RXRG: variants seen among roughly 807,000 people sequenced by gnomAD.
RXRG encodes the protein retinoid X receptor gamma, also known as retinoic acid receptor RXR-gamma.
In RXRG, 19 loss-of-function variants were observed where a neutral mutation model predicts 49.2. The observed-to-expected ratio is 0.39, with a 90% CI of 0.27 to 0.57. The LOEUF is 0.57. RXRG is among the 20% of genes least tolerant of loss of function. The pLI is 0.64. For synonymous variants in RXRG, 224 were observed against 216.6 expected (o/e 1.03, Z -0.30); for missense variants, 452 against 592.5 (o/e 0.76, Z 2.46).
intron 4 of RXRG, among the ~76,000 whole-genome samples, chr1:165,416,769 T>C (rs1371276209): frequency 1.3e-5 from 2 of 152,082 alleles, no homozygotes; most frequent in African/African-American, 4.8e-5. Context: ...AGAGGATGGG[T>C]AAATGTGGAG....
intron 1 of RXRG, among the ~76,000 whole-genome samples, chr1:165,439,079 A>G (rs1017257179): frequency 6.6e-6 from 1 of 152,170 alleles, no homozygotes; most frequent in Non-Finnish European, 1.5e-5. Context: ...GTTACTTAGA[A>G]GTAATAAAAT....
intron 2 of RXRG, among the ~76,000 whole-genome samples, chr1:165,425,827 T>C (rs1048762329): frequency 1.3e-5 from 2 of 152,254 alleles, no homozygotes; most frequent in Admixed American, 1.3e-4. Flanking sequence ...TGAAGTGCAA[T>C]GGATCTGCAT....
chr1:165,417,944 AAT>A (rs1342738419), intron 3 of RXRG, among the ~76,000 whole-genome samples: 1 of 151,590 alleles, frequency 6.6e-6, no homozygotes, highest in Non-Finnish European at 1.5e-5. Flanking sequence ...TCTCTGTTAA[AAT>A]ATATATATAC....
At chr1:165,426,137 G>T (rs1266087250) in intron 2 of RXRG, among the ~76,000 whole-genome samples, 1 of 152,214 alleles carries the variant, frequency 6.6e-6, no homozygotes, top group Non-Finnish European at 1.5e-5. Flanking sequence ...CAAGAGTGGG[G>T]CAGTTAGGAT....
At chr1:165,411,895 T>C (rs536173331) in intron 4 of RXRG, among the ~76,000 whole-genome samples, 2 of 152,338 alleles carry the variant, frequency 1.3e-5, no homozygotes, top group Non-Finnish European at 2.9e-5. Context: ...AAGTCTCTGT[T>C]GGGTTAGTTT....
intron 3 of RXRG, among the ~76,000 whole-genome samples, chr1:165,418,800 T>C (rs1194071628): frequency 2.6e-5 from 4 of 152,176 alleles, no homozygotes; most frequent in Admixed American, 2.6e-4. Flanking sequence ...AGAATAAGCA[T>C]AGCAGAGAAA....
chr1:165,415,222 G>GA (rs1372911750), intron 4 of RXRG, among the ~76,000 whole-genome samples: 1 of 152,178 alleles, frequency 6.6e-6, no homozygotes, highest in Non-Finnish European at 1.5e-5. Context: ...AATCATTCTA[G>GA]ACAGACAGCA....
rs1658568958 is a variant in RXRG, at chr1:165,428,689, G to A, written c.297+30C>T. On this transcript the variant is annotated intron_variant, in intron 2 of 9. Transcript: ENST00000359842. ...CTGGGTGAAACCATGTAAGATGGCTGGAAAGGCCTTGGAGAGGAAGAACAC... is the reference window on the plus strand; with the variant it reads ...CTGGGTGAAACCATGTAAGATGGCTAGAAAGGCCTTGGAGAGGAAGAACAC... The A allele has an allele frequency of 1.9e-6, 3 of 1,555,288 alleles. 1 individual carries two copies. In the South Asian group the frequency reaches 3.7e-5, roughly 19 times the overall value.
intron 6 of RXRG, among the ~76,000 whole-genome samples, 166 bp from the exon 7 acceptor site, chr1:165,409,856 AG>A (rs1318931453): frequency 4.6e-5 from 7 of 152,162 alleles, no homozygotes; most frequent in Admixed American, 4.6e-4. Context: ...GAAGAAACAA[AG>A]GATAAGACTG....
At position 165,411,072 on chromosome 1, in the gene RXRG, AGCTCGCTCTCG is replaced by A; in HGVS notation, c.649_659del (p.Arg217Ter). 3.1e-6 allele frequency: 5 copies of A among 1,614,066 alleles called. No homozygotes were observed. Among genetic ancestry groups the A allele is most frequent in the Non-Finnish European group, 4.2e-6 (5 of 1,179,982 alleles). On this transcript the variant is annotated frameshift_variant, in exon 5 of 10. Transcript: ENST00000359842. LOFTEE classifies it high-confidence loss of function. ...TGGTAGCACATTCTGCCTCACTCTC[AGCTCGCTCTCG>A]GCTCCTCTGTCTTTCTTCTTGCACA...
chr1:165,408,141 TG>T, intron 8 of RXRG, 85 bp downstream of exon 8: 1 of 999,664 alleles, frequency 1.0e-6, no homozygotes, highest in South Asian at 1.3e-5. Context: ...TCAGCTGAGA[TG>T]GAGGACCAAT....
At chr1:165,425,437 A>G (rs1304224443) in intron 2 of RXRG, among the ~76,000 whole-genome samples, 4 of 152,180 alleles carry the variant, frequency 2.6e-5, no homozygotes, top group Non-Finnish European at 4.4e-5. Context: ...GGACAGTATC[A>G]ATTAGTACCT....
Position 165,444,999 on chromosome 1 carries a change from T to G in RXRG, c.-106A>C, listed in dbSNP as rs1557931025. On this transcript the variant is annotated 5_prime_UTR_variant, in exon 1 of 10. Coordinates refer to ENST00000359842, the MANE Select transcript of RXRG (RefSeq NM_006917.5). ...TTTCTTCAACTTGGGCTAACAAGAG[T>G]GGTCATCGCTTCCTAGCAGCCCGGG... 3 of 1,034,514 alleles carry G rather than the reference T, an allele frequency of 2.9e-6. No individual in the cohort carries two copies. In the Admixed American group the frequency reaches 5.3e-5, roughly 18 times the overall value. 64.1% of individuals were successfully genotyped at this position (1,034,514 alleles called of 1,614,324 possible).
intron 4 of RXRG, among the ~76,000 whole-genome samples, chr1:165,413,326 G>A (rs778404016): frequency 5.3e-5 from 8 of 152,148 alleles, no homozygotes; most frequent in African/African-American, 1.4e-4. Flanking sequence ...TGTTTATTTC[G>A]CACTTATTAC....
chr1:165,429,911 C>T (rs778735320), intron 1 of RXRG, among the ~76,000 whole-genome samples: 2 of 152,018 alleles, frequency 1.3e-5, no homozygotes, highest in Non-Finnish European at 2.9e-5. Context: ...TTGGGAGCCC[C>T]GCATGGAACA....
At position 165,436,750 on chromosome 1, in the gene RXRG, C is replaced by T. The variant is rs1658826462; in HGVS notation, c.50-7784G>A. Among the ~76,000 whole-genome samples the T allele has an allele frequency of 2.0e-5, 3 of 152,162 alleles. No individual in the cohort carries two copies. In the South Asian group the frequency reaches 6.2e-4, roughly 32 times the overall value. On this transcript the variant is annotated intron_variant, in intron 1 of 9. Coordinates refer to ENST00000359842, the MANE Select transcript of RXRG (RefSeq NM_006917.5). ...CCCCAGGCAGTGACCTTGAGAAGTC[C>T]TGACCCCCTCCATTTCCTCAAATGC...
chr1:165,435,026 C>T (rs1658781871), intron 1 of RXRG, among the ~76,000 whole-genome samples: 1 of 152,184 alleles, frequency 6.6e-6, no homozygotes, highest in Non-Finnish European at 1.5e-5. Context: ...ACATGTTGAG[C>T]ATCTCTAATC....
intron 7 of RXRG, among the ~76,000 whole-genome samples, chr1:165,408,533 T>C (rs143215520): frequency 6.6e-6 from 1 of 152,188 alleles, no homozygotes; most frequent in Non-Finnish European, 1.5e-5. Flanking sequence ...AGCAGCACGA[T>C]GCCCAGGAAT....
chr1:165,437,400 T>A (rs1658849304), intron 1 of RXRG, among the ~76,000 whole-genome samples: 1 of 152,184 alleles, frequency 6.6e-6, no homozygotes, highest in South Asian at 2.1e-4. Flanking sequence ...AGGGCTGAGT[T>A]TAAGTGAATG....
Sources: gnomAD v4.1 joint callset for allele counts (sites outside exome capture counted in the v4.1 genomes callset) on GRCh38, gnomAD v4.1.1 for gene constraint, MANE v1.5 for transcripts, NCBI Gene and HGNC (gene_info 2026-07-23, HGNC 2026-07-21) for gene names.